The following DNAJC10 variants were observed in gnomAD, a reference collection of about 807,000 sequenced individuals.
The protein encoded by DNAJC10 is endoplasmic reticulum disulfide reductase DNAJC10.
In DNAJC10, 101 loss-of-function variants were observed where a neutral mutation model predicts 115.0. That is an observed-to-expected ratio of 0.88 (90% CI 0.75 to 1.04). The LOEUF is 1.04. DNAJC10 is among the 50% of genes least tolerant of loss of function. DNAJC10 has a pLI of 0.00. For missense variants in DNAJC10, 981 were observed against 928.8 expected (o/e 1.06, Z -0.73); for synonymous variants, 307 against 301.5 (o/e 1.02, Z -0.19).
In DNAJC10 at chr2:182,791,727, ACT is replaced by A. The variant is rs1281857557; in HGVS notation, c.*14598_*14599del. The A allele has an allele frequency of 6.6e-6, 1 of 152,090 alleles. No homozygotes were observed. Among genetic ancestry groups the A allele is most frequent in the Non-Finnish European group, 1.5e-5 (1 of 68,010 alleles). 9.4% of individuals were successfully genotyped at this position (152,090 alleles called of 1,614,324 possible). A position where few individuals can be genotyped will look rare whatever the true frequency, so the allele number is the denominator to read the frequency against. ...CAAACTGTATACAACATTTTATAAC[ACT>A]CTAATGTGGATAAGACACCTCAAAA... is the stretch of plus-strand genomic sequence containing the variant. On this transcript the variant is annotated 3_prime_UTR_variant, in exon 24 of 24. Coordinates refer to ENST00000264065, the MANE Select transcript of DNAJC10 (RefSeq NM_018981.4).
chr2:182,751,861 A>G, intron 15 of DNAJC10, 76 bp downstream of exon 15: 1 of 1,546,498 alleles, frequency 6.5e-7, no homozygotes. Flanking sequence ...TTTTCTAGAT[A>G]ACTTTGAATC....
chr2:182,740,630 C>T (rs926028800), intron 12 of DNAJC10, among the ~76,000 whole-genome samples: 7 of 152,086 alleles, frequency 4.6e-5, no homozygotes, highest in Admixed American at 2.0e-4. Flanking sequence ...TCAAAAGGAA[C>T]ATCAGAAAAG....
rs184374071 is a variant in DNAJC10 at position 182,770,380 on chromosome 2, A to C, written c.2266-4936A>C. ...GTCATTGGTAGCTTGATGGGGATGG[A>C]ATTGAATCTATAAATTACTTTGGGC... is the stretch of plus-strand genomic sequence containing the variant. On this transcript the variant is annotated intron_variant, in intron 22 of 23. Transcript: ENST00000264065. 1.0e-2 allele frequency among the ~76,000 whole-genome samples: 1,521 copies of C among 152,106 alleles called. 14 individuals are homozygous for C. The highest frequency in any genetic ancestry group is 0.025 in the South Asian group (121 of 4,816).
At position 182,758,786 on chromosome 2, in the gene DNAJC10, C is replaced by T. The variant is rs567933496; in HGVS notation, c.1944-51C>T. Reference sequence around the variant, plus strand: ...CTACAATAAGATTGTTTTCTGAATACATCCAATAATAGAGAATCCTATTTA... The same window carrying T: ...CTACAATAAGATTGTTTTCTGAATATATCCAATAATAGAGAATCCTATTTA... On this transcript the variant is annotated intron_variant, in intron 19 of 23. Transcript: ENST00000264065. 5.6e-5 allele frequency: 69 copies of T among 1,239,022 alleles called. 1 individual carries two copies. In the East Asian group the frequency reaches 1.4e-3, roughly 25 times the overall value. The allele number at this position is 1,239,022 out of a possible 1,614,324, so 76.8% of individuals were successfully genotyped here.
chr2:182,729,785 T>C (rs1559000509), intron 7 of DNAJC10, 63 bp from the exon 8 acceptor site: 1 of 1,073,678 alleles, frequency 9.3e-7, no homozygotes, highest in African/African-American at 1.6e-5. Context: ...TCTTTGGTAT[T>C]ATTTTTATTG....
At chr2:182,757,868 T>A in intron 19 of DNAJC10, 43 bp downstream of exon 19, 1 of 1,172,314 alleles carries the variant, frequency 8.5e-7, no homozygotes, top group Non-Finnish European at 1.2e-6. Flanking sequence ...TATAATTATT[T>A]AATTATACAC....
At chr2:182,741,816 T>C (rs1237403564) in intron 13 of DNAJC10, among the ~76,000 whole-genome samples, 1 of 152,178 alleles carries the variant, frequency 6.6e-6, no homozygotes, top group Non-Finnish European at 1.5e-5. Context: ...CATATGCATA[T>C]GTAGGCATAT....
chr2:182,761,066 G>GGAGT (rs1694273956), intron 21 of DNAJC10, among the ~76,000 whole-genome samples: 1 of 151,998 alleles, frequency 6.6e-6, no homozygotes, highest in Admixed American at 6.6e-5. Context: ...ATGCTAAGTA[G>GGAGT]TAGGGCCACG....
intron 20 of DNAJC10, 69 bp from the exon 21 acceptor site, chr2:182,759,091 A>T (rs766170223): frequency 1.7e-5 from 23 of 1,341,174 alleles, no homozygotes; most frequent in Non-Finnish European, 2.3e-5. Flanking sequence ...AAGTATTACA[A>T]TATTATTGCA....
intron 13 of DNAJC10, among the ~76,000 whole-genome samples, chr2:182,741,920 C>T (rs542444092): frequency 1.2e-4 from 18 of 151,902 alleles, no homozygotes; most frequent in African/African-American, 4.1e-4. Flanking sequence ...AAAATGGATT[C>T]ACTGTATGCT....
chr2:182,756,468 G>A lies in DNAJC10; in HGVS notation c.1808G>A (p.Arg603Gln), dbSNP rs1694159294. The change falls in exon 18 of 24, where the codon CGG becomes CAG. Residue 603 changes from arginine to glutamine, a missense_variant and splice_region_variant. By Grantham distance (43) the Arg-to-Gln change is conservative. Coordinates refer to ENST00000264065, the MANE Select transcript of DNAJC10 (RefSeq NM_018981.4). The part of the protein sequence containing the change: ...VLMPEWKRMA[R>Q]TLTGLINVGS... Reference sequence around the variant, plus strand: ...ATGCCAGAATGGAAAAGAATGGCCCGGGTATAGTAAAAATAGTTTATTTTA... The same window carrying A: ...ATGCCAGAATGGAAAAGAATGGCCCAGGTATAGTAAAAATAGTTTATTTTA... 8.1e-6 allele frequency: 13 copies of A among 1,605,878 alleles called. No individual in the cohort carries two copies. Among genetic ancestry groups the A allele is most frequent in the Middle Eastern group, 3.3e-4 (2 of 6,036 alleles).
rs757617294 is a variant in DNAJC10, at chr2:182,731,072, TTGGC to T, written c.777_780del (p.Trp259Ter). ...ATACAAACTGCTTTTGCTGCTGGTA[TTGGC>T]TGGCTGATCACTTTTTGTTCAAAAG... On this transcript the variant is annotated frameshift_variant, in exon 9 of 24. Coordinates refer to ENST00000264065, the MANE Select transcript of DNAJC10 (RefSeq NM_018981.4). LOFTEE classifies it high-confidence loss of function. 1 of 1,612,982 alleles carries T rather than the reference TTGGC, an allele frequency of 6.2e-7. No individual in the cohort carries two copies. The highest frequency in any genetic ancestry group is 1.3e-5 in the African/African-American group (1 of 74,890).
chr2:182,718,523 C>G (rs544152334), intron 3 of DNAJC10, among the ~76,000 whole-genome samples: 1 of 152,112 alleles, frequency 6.6e-6, no homozygotes, highest in African/African-American at 2.4e-5. Flanking sequence ...GATTTTCCAA[C>G]AATTCTATTA....
At chr2:182,768,248 TTTC>T (rs1343769714) in intron 22 of DNAJC10, among the ~76,000 whole-genome samples, 4 of 152,152 alleles carry the variant, frequency 2.6e-5, no homozygotes, top group Admixed American at 2.0e-4. Flanking sequence ...TGAGTCTTCA[TTTC>T]TTTGAATCAA....
intron 21 of DNAJC10, among the ~76,000 whole-genome samples, chr2:182,760,433 G>A (rs764464499): frequency 7.9e-5 from 12 of 152,080 alleles, no homozygotes; most frequent in African/African-American, 2.7e-4. Flanking sequence ...GGTTTTGTTC[G>A]GTTGGTTGGT....
rs779334230 is a variant in DNAJC10 at position 182,759,184 on chromosome 2, T to C, written c.2022T>C (p.Asp674=). The C allele has an allele frequency of 5.0e-6, 8 of 1,600,258 alleles. No homozygotes were observed. The highest frequency in any genetic ancestry group is 4.5e-5 in the East Asian group (2 of 44,744). ...GLGFLPQVST[D]LTPQTFSEKV... ...GATTTTTACCTCAAGTATCCACAGATCTAACACCTCAGACTTTCAGTGAAA... is the reference window on the plus strand; with the variant it reads ...GATTTTTACCTCAAGTATCCACAGACCTAACACCTCAGACTTTCAGTGAAA... The change falls in exon 21 of 24, where the codon GAT becomes GAC. Residue 674 remains aspartate, a synonymous_variant. Transcript: ENST00000264065.
intron 18 of DNAJC10, among the ~76,000 whole-genome samples, chr2:182,757,418 A>G (rs1188149348): frequency 6.6e-6 from 1 of 152,184 alleles, no homozygotes; most frequent in Non-Finnish European, 1.5e-5. Context: ...TAGCACTTTG[A>G]ATTTTAGAAG....
At position 182,724,116 on chromosome 2, in the gene DNAJC10, G is replaced by T. The variant is rs1021951914; in HGVS notation, c.418+2041G>T. ...CTGACAGCTACTGTAAACTCTGAAAGAATAAAATAAGAGACCTACATAATA... is the reference window on the plus strand; with the variant it reads ...CTGACAGCTACTGTAAACTCTGAAATAATAAAATAAGAGACCTACATAATA... On this transcript the variant is annotated intron_variant, in intron 5 of 23. Coordinates refer to ENST00000264065, the MANE Select transcript of DNAJC10 (RefSeq NM_018981.4). Among the ~76,000 whole-genome samples the T allele has an allele frequency of 3.9e-5, 6 of 152,258 alleles. No homozygotes were observed. The East Asian group carries it at 1.2e-3, about 29-fold the overall frequency.
rs185905902 is a variant in DNAJC10, at chr2:182,774,125, C to T, written c.2266-1191C>T. ...TGTTGGAGTTTGCTGGAGGTCCACT[C>T]CAGACCCTGTTTGCCTGGGTATCAC... On this transcript the variant is annotated intron_variant, in intron 22 of 23. Coordinates refer to ENST00000264065, the MANE Select transcript of DNAJC10 (RefSeq NM_018981.4). Among the ~76,000 whole-genome samples, 41 of 152,310 alleles carry T rather than the reference C, an allele frequency of 2.7e-4. No homozygotes were observed. In the East Asian group the frequency reaches 7.9e-3, roughly 29 times the overall value.
Sources: allele counts gnomAD v4.1 joint callset (sites outside exome capture counted in the v4.1 genomes callset), GRCh38; gene constraint gnomAD v4.1.1; transcripts MANE v1.5; gene names NCBI Gene and HGNC (gene_info 2026-07-23, HGNC 2026-07-21).